FSTL4: variants seen among roughly 807,000 people sequenced by gnomAD.
The protein encoded by FSTL4 is follistatin-related protein 4.
In FSTL4, 28 loss-of-function variants were observed where a neutral mutation model predicts 78.2. The observed-to-expected ratio is 0.36, with a 90% confidence interval of 0.27 to 0.49. FSTL4 has a LOEUF of 0.49. Ranked by LOEUF, FSTL4 falls within the 20% of genes least tolerant of loss-of-function variation. The pLI is 0.98. For missense variants in FSTL4, 922 were observed against 1,084.9 expected (o/e 0.85, Z 2.11); for synonymous variants, 422 against 440.5 (o/e 0.96, Z 0.53).
intron 2 of FSTL4, among the ~76,000 whole-genome samples, chr5:133,602,554 T>C (rs1194722317): frequency 6.6e-6 from 1 of 152,230 alleles, no homozygotes; most frequent in Non-Finnish European, 1.5e-5. Context: ...CAACAATATA[T>C]GTGTAGGATT....
intron 1 of FSTL4, among the ~76,000 whole-genome samples, chr5:133,609,502 T>C (rs1761045314): frequency 6.6e-6 from 1 of 152,220 alleles, no homozygotes; most frequent in African/African-American, 2.4e-5. Context: ...AGTTTTGATA[T>C]GTGAGTGTTT....
At chr5:133,449,117 C>T (rs964081646) in intron 3 of FSTL4, among the ~76,000 whole-genome samples, 22 of 152,198 alleles carry the variant, frequency 1.4e-4, no homozygotes, top group Non-Finnish European at 3.2e-4. Context: ...CCCAAACAAG[C>T]GCTGAGTGTT....
chr5:133,324,790 C>T (rs1178635132), intron 4 of FSTL4, among the ~76,000 whole-genome samples: 6 of 152,234 alleles, frequency 3.9e-5, no homozygotes, highest in African/African-American at 1.4e-4. Flanking sequence ...ATCCCAGCCA[C>T]CCTGCACCAT....
At chr5:133,471,262 G>A (rs757070777) in intron 3 of FSTL4, among the ~76,000 whole-genome samples, 4 of 152,018 alleles carry the variant, frequency 2.6e-5, no homozygotes, top group Non-Finnish European at 4.4e-5. Context: ...TCTGATCCTC[G>A]CCCTGTTTTG....
chr5:133,534,248 A>AGATC (rs1410442167), intron 3 of FSTL4, among the ~76,000 whole-genome samples: 3 of 152,102 alleles, frequency 2.0e-5, no homozygotes, highest in African/African-American at 7.2e-5. Context: ...CTAAACTATC[A>AGATC]GATGCACATT....
At chr5:133,649,208 T>G in the FSTL4 span, among the ~76,000 whole-genome samples, 15 of 152,210 alleles carry the variant, frequency 9.9e-5, no homozygotes, top group Middle Eastern at 3.2e-3. Context: ...CTCATTTGTT[T>G]ATAGTGCTGA....
intron 6 of FSTL4, among the ~76,000 whole-genome samples, chr5:133,261,492 G>A (rs112298244): frequency 1.7e-3 from 264 of 152,230 alleles, no homozygotes; most frequent in African/African-American, 5.8e-3. Flanking sequence ...GGTTGGACAC[G>A]CCTTGTTATA....
chr5:133,509,301 GAC>G (rs1350999541), intron 3 of FSTL4, among the ~76,000 whole-genome samples: 2 of 152,128 alleles, frequency 1.3e-5, no homozygotes, highest in African/African-American at 4.8e-5. Flanking sequence ...ATTCTCAAGA[GAC>G]AGAAACCTCC....
chr5:133,793,852 G>A, the FSTL4 span, among the ~76,000 whole-genome samples: 4 of 152,204 alleles, frequency 2.6e-5, no homozygotes, highest in Non-Finnish European at 5.9e-5. Context: ...CTGTATTCAG[G>A]TTTTAACTTA....
At chr5:133,278,871 C>T (rs1000643203) in intron 6 of FSTL4, among the ~76,000 whole-genome samples, 4 of 152,228 alleles carry the variant, frequency 2.6e-5, no homozygotes, top group South Asian at 2.1e-4. Context: ...CTCCCACAGA[C>T]GAATCAACTA....
chr5:133,638,379 C>T, the FSTL4 span, among the ~76,000 whole-genome samples: 1 of 152,152 alleles, frequency 6.6e-6, no homozygotes, highest in Non-Finnish European at 1.5e-5. Context: ...CAGGACTTCT[C>T]ATCTCACTCC....
chr5:133,262,560 C>T (rs1252739852), intron 6 of FSTL4, among the ~76,000 whole-genome samples: 10 of 152,220 alleles, frequency 6.6e-5, no homozygotes, highest in Admixed American at 5.9e-4. Context: ...CAACCACATT[C>T]AGCATAAAGC....
chr5:133,442,335 T>G (rs1379294716), intron 3 of FSTL4, among the ~76,000 whole-genome samples: 1 of 152,194 alleles, frequency 6.6e-6, no homozygotes, highest in African/African-American at 2.4e-5. Context: ...CAATAACTTC[T>G]CTTTGTTGCT....
At chr5:133,462,001 G>C (rs1757603966) in intron 3 of FSTL4, among the ~76,000 whole-genome samples, 1 of 152,204 alleles carries the variant, frequency 6.6e-6, no homozygotes, top group African/African-American at 2.4e-5. Flanking sequence ...TGCCAGCCAT[G>C]ATATGAGAAG....
At position 133,393,987 on chromosome 5, in the gene FSTL4, T is replaced by C. The variant is rs528920054; in HGVS notation, c.409+6751A>G. ...AAGAAGCATAAAGCAATTGCATCTG[T>C]TAGGGACATGCCTTGCTGAGCCCTA... On this transcript the variant is annotated intron_variant, in intron 4 of 15. Coordinates refer to ENST00000265342, the MANE Select transcript of FSTL4 (RefSeq NM_015082.2). Among the ~76,000 whole-genome samples the C allele has an allele frequency of 7.9e-5, 12 of 152,336 alleles. No homozygotes were observed. In the South Asian group the frequency reaches 2.5e-3, roughly 32 times the overall value.
Position 133,199,313 on chromosome 5 carries a change from C to G in FSTL4, c.2311G>C (p.Val771Leu). The change falls in exon 16 of 16, where the codon GTG becomes CTG. Residue 771 changes from valine (V) to leucine (L), a missense_variant. Coordinates refer to ENST00000265342, the MANE Select transcript of FSTL4 (RefSeq NM_015082.2). The surrounding 1 kb of genome is among the most constrained non-coding windows in gnomAD (Gnocchi z 4.4). ...LLFLELSTGK[V>L]GMLKNLKEPP... Reference sequence around the variant, plus strand: ...TCCTTTAAGTTCTTCAGCATGCCCACCTTCCCCGTGGACAGCTCCAGGAAC... The same window carrying G: ...TCCTTTAAGTTCTTCAGCATGCCCAGCTTCCCCGTGGACAGCTCCAGGAAC... 1 of 1,614,134 alleles carries G rather than the reference C, an allele frequency of 6.2e-7. No homozygotes were observed. Among genetic ancestry groups the G allele is most frequent in the Non-Finnish European group, 8.5e-7 (1 of 1,179,956 alleles).
intron 2 of FSTL4, among the ~76,000 whole-genome samples, chr5:133,581,171 A>T (rs147861318): frequency 1.3e-5 from 2 of 152,392 alleles, no homozygotes; most frequent in African/African-American, 4.8e-5. Flanking sequence ...ATTTAATTAA[A>T]AAGGCTTTAA....
chr5:133,394,540 G>A (rs1384113350), intron 4 of FSTL4, among the ~76,000 whole-genome samples: 7 of 152,232 alleles, frequency 4.6e-5, no homozygotes, highest in African/African-American at 1.2e-4. Context: ...CAGCAGTGCC[G>A]GCCCACCGGG....
chr5:133,781,467 A>G, the FSTL4 span, among the ~76,000 whole-genome samples: 1 of 151,774 alleles, frequency 6.6e-6, no homozygotes, highest in African/African-American at 2.4e-5. Context: ...AGGAAGGGCC[A>G]GAGGGATGTG....
Sources: gnomAD v4.1 joint callset for allele counts (sites outside exome capture counted in the v4.1 genomes callset) on GRCh38, gnomAD v4.1.1 for gene constraint, Gnocchi (gnomAD v3.1) non-coding constraint, MANE v1.5 for transcripts, NCBI Gene and HGNC (gene_info 2026-07-23, HGNC 2026-07-21) for gene names.